Variants in DOCK7 observed in about 807,000 individuals in gnomAD.
DOCK7 encodes dedicator of cytokinesis protein 7.
Under a neutral mutation model 271.0 loss-of-function variants are expected in DOCK7, and 138 were observed. The observed-to-expected ratio is 0.51, with a 90% CI of 0.44 to 0.59. The LOEUF (loss-of-function observed/expected upper bound fraction) is 0.59. DOCK7 is among the 20% of genes least tolerant of loss of function. DOCK7 has a pLI of 0.00. For synonymous variants in DOCK7, 823 were observed against 876.1 expected, an observed-to-expected ratio of 0.94 and a Z score of 1.07; for missense variants, 2,066 against 2,592.4, an observed-to-expected ratio of 0.80 and a Z score of 4.41.
chr1:62,621,996 C>T (rs1653306535), intron 12 of DOCK7, among the ~76,000 whole-genome samples: 1 of 152,152 alleles, frequency 6.6e-6, no homozygotes, highest in African/African-American at 2.4e-5. Flanking sequence ...GTGAGTGAAG[C>T]ACAATTCCCT....
At chr1:62,622,747 G>A (rs1256138961) in intron 12 of DOCK7, among the ~76,000 whole-genome samples, 2 of 151,940 alleles carry the variant, frequency 1.3e-5, no homozygotes, top group African/African-American at 2.4e-5. Flanking sequence ...TGGCCAACAC[G>A]GTGAAACCCT....
intron 1 of DOCK7, among the ~76,000 whole-genome samples, chr1:62,665,201 C>A (rs1434561212): frequency 6.6e-6 from 1 of 152,056 alleles, no homozygotes; most frequent in Non-Finnish European, 1.5e-5. Flanking sequence ...GTTGACCAGG[C>A]TGGTCTCGAA....
chr1:62,460,745 C>T (rs1040440659), intron 48 of DOCK7, among the ~76,000 whole-genome samples: 5 of 152,034 alleles, frequency 3.3e-5, no homozygotes, highest in Admixed American at 6.6e-5. Context: ...CAGCTTTGAT[C>T]TCCTGGGCTC....
At chr1:62,666,129 A>G (rs1315098098) in intron 1 of DOCK7, among the ~76,000 whole-genome samples, 1 of 152,130 alleles carries the variant, frequency 6.6e-6, no homozygotes, top group Non-Finnish European at 1.5e-5. Context: ...GCACCACTGC[A>G]CTCCAGCCTG....
intron 31 of DOCK7, among the ~76,000 whole-genome samples, chr1:62,521,556 T>A (rs1644851473): frequency 6.6e-6 from 1 of 152,136 alleles, no homozygotes. Context: ...AATCTAGCCG[T>A]AGAAAAAAGT....
chr1:62,465,152 G>GT (rs904636482), intron 48 of DOCK7, among the ~76,000 whole-genome samples: 221 of 152,298 alleles, frequency 1.5e-3, no homozygotes, highest in African/African-American at 5.1e-3. Context: ...TGTTGCTACT[G>GT]TGGTGAGCTC....
rs899734372 is a variant in DOCK7, at chr1:62,472,027, TGTA to T, written c.6212+1952_6212+1954del. ...AATGGTAACACACAAAAATAAAAAA[TGTA>T]GTATTGGCTATAACTCCTTTGTAAG... On this transcript the variant is annotated intron_variant, in intron 48 of 49. Transcript: ENST00000635253. Among the ~76,000 whole-genome samples, 420 of 151,890 alleles carry T rather than the reference TGTA, an allele frequency of 2.8e-3. 2 individuals are homozygous for T. Among genetic ancestry groups the T allele is most frequent in the African/African-American group, 9.8e-3 (404 of 41,272 alleles).
Position 62,583,265 on chromosome 1 carries a change from T to A in DOCK7, c.1801-11A>T, listed in dbSNP as rs1647192042. 6.2e-7 allele frequency: 1 copy of A among 1,609,138 alleles called. No homozygotes were observed. Among genetic ancestry groups the A allele is most frequent in the Non-Finnish European group, 8.5e-7 (1 of 1,176,196 alleles). On this transcript the variant is annotated splice_polypyrimidine_tract_variant and intron_variant, in intron 15 of 49. Coordinates refer to ENST00000635253, the MANE Select transcript of DOCK7 (RefSeq NM_001367561.1). ...TTTACCAAAGATTACCTGAAACAAA[T>A]AACAGCATGTTGAAACTTTGTTGTA... is the stretch of plus-strand genomic sequence containing the variant.
chr1:62,620,486 AT>A (rs1239618119), intron 12 of DOCK7, among the ~76,000 whole-genome samples: 1 of 151,978 alleles, frequency 6.6e-6, no homozygotes, highest in East Asian at 1.9e-4. Flanking sequence ...ATGCTTTCAA[AT>A]TTTACTAAGA....
rs761965930 is a variant in DOCK7, at chr1:62,663,135, A to G, written c.39-5T>C. 1.9e-6 allele frequency: 3 copies of G among 1,607,402 alleles called. No individual in the cohort carries two copies. The highest frequency in any genetic ancestry group is 2.5e-6 in the Non-Finnish European group (3 of 1,176,960). The stretch of plus-strand genomic sequence containing the variant: ...CTAACTTCGGCTGCCACCGTTCTAC[A>G]ATGAAGAAAGCAAAAACATACGCAT... On this transcript the variant is annotated splice_region_variant and splice_polypyrimidine_tract_variant and intron_variant, in intron 1 of 49. Transcript: ENST00000635253.
At chr1:62,574,858 T>C (rs1440155228) in intron 18 of DOCK7, among the ~76,000 whole-genome samples, 1 of 152,068 alleles carries the variant, frequency 6.6e-6, no homozygotes, top group Non-Finnish European at 1.5e-5. Flanking sequence ...GCCTCACAAG[T>C]AGCTGGAATT....
Position 62,475,286 on chromosome 1 carries a change from A to G in DOCK7, c.6027T>C (p.Phe2009=). ...DMQKKTQELA[F]ATHQDPADPK... ...GGTCTGCGGGATCCTGATGTGTTGC[A>G]AATGCCAACTCCTGTGTCTTTTTCT... The change falls in exon 47 of 50, where the codon TTT becomes TTC. Residue 2009 remains phenylalanine (F), a synonymous_variant. Transcript: ENST00000635253. 1 of 1,614,084 alleles carries G rather than the reference A, an allele frequency of 6.2e-7. No individual in the cohort carries two copies. The highest frequency in any genetic ancestry group is 8.5e-7 in the Non-Finnish European group (1 of 1,179,946).
rs369914786 is a variant in DOCK7 at position 62,687,339 on chromosome 1, C to G, written c.38+888G>C. On this transcript the variant is annotated intron_variant, in intron 1 of 49. Coordinates refer to ENST00000635253, the MANE Select transcript of DOCK7 (RefSeq NM_001367561.1). ...GTGGGAGAAAGGTGGCAACCAACCA[C>G]CACAAGTAGGTGAAAGGCTTTGAAA... is the stretch of plus-strand genomic sequence containing the variant. Among the ~76,000 whole-genome samples the G allele has an allele frequency of 5.8e-4, 89 of 152,344 alleles. 1 individual carries two copies. The South Asian group carries it at 0.017, about 29-fold the overall frequency.
intron 15 of DOCK7, chr1:62,583,965 G>A (rs766170269): frequency 8.6e-5 from 17 of 198,396 alleles, no homozygotes; most frequent in Non-Finnish European, 1.5e-4. Flanking sequence ...CAATGTCAAG[G>A]TTATAGCTAT....
chr1:62,487,284 G>T, intron 43 of DOCK7, 114 bp downstream of exon 43: 2 of 976,682 alleles, frequency 2.0e-6, no homozygotes, highest in South Asian at 1.5e-5. Flanking sequence ...GAATTCAGTT[G>T]ATAGCAGATA....
At chr1:62,647,974 T>C in intron 6 of DOCK7, 132 bp downstream of exon 6, 7 of 873,224 alleles carry the variant, frequency 8.0e-6, no homozygotes, top group Non-Finnish European at 1.2e-5. Context: ...TAGTATAAAA[T>C]GTATTCATTT....
intron 14 of DOCK7, among the ~76,000 whole-genome samples, chr1:62,590,320 G>C (rs1217266732): frequency 1.3e-5 from 2 of 152,156 alleles, no homozygotes; most frequent in Non-Finnish European, 2.9e-5. Context: ...AAATAAGAAA[G>C]GTTTGATCTT....
intron 18 of DOCK7, among the ~76,000 whole-genome samples, chr1:62,574,531 G>A (rs1646883905): frequency 1.3e-5 from 2 of 152,186 alleles, no homozygotes; most frequent in African/African-American, 4.8e-5. Flanking sequence ...ATGGAGATGA[G>A]TGCTTTTAAA....
At chr1:62,460,518 A>C (rs1172795700) in intron 48 of DOCK7, among the ~76,000 whole-genome samples, 2 of 152,140 alleles carry the variant, frequency 1.3e-5, no homozygotes, top group South Asian at 4.1e-4. Context: ...ATTTTATATA[A>C]CATATTAAAC....
Sources: allele counts gnomAD v4.1 joint callset (sites outside exome capture counted in the v4.1 genomes callset), GRCh38; gene constraint gnomAD v4.1.1; transcripts MANE v1.5; gene names NCBI Gene and HGNC (gene_info 2026-07-23, HGNC 2026-07-21).